The following SLC25A21 variants were observed in gnomAD, a reference collection of about 807,000 sequenced individuals.
The protein encoded by SLC25A21 is solute carrier family 25 member 21, also known as mitochondrial 2-oxodicarboxylate carrier.
In SLC25A21, 47 loss-of-function variants were observed where a neutral mutation model predicts 43.8. The observed-to-expected ratio is 1.07, with a 90% CI of 0.85 to 1.37. The LOEUF (loss-of-function observed/expected upper bound fraction) is 1.37. Among genes scored for constraint, SLC25A21 ranks in the 40% most tolerant of loss-of-function variants. The pLI is 0.00. For synonymous variants in SLC25A21, 131 were observed against 121.3 expected, an observed-to-expected ratio of 1.08 and a Z score of -0.52; for missense variants, 352 against 350.2, an observed-to-expected ratio of 1.00 and a Z score of -0.04.
rs374216561 is a variant in SLC25A21 at position 37,048,437 on chromosome 14, G to A, written c.70+123844C>T. Among the ~76,000 whole-genome samples, 14 of 151,286 alleles carry A rather than the reference G, an allele frequency of 9.3e-5. 1 individual carries two copies. The highest frequency in any genetic ancestry group is 2.6e-4 in the Admixed American group (4 of 15,188). On this transcript the variant is annotated intron_variant, in intron 1 of 9. Transcript: ENST00000331299. ...AAGCTATGAGACTGGTGGAGGGGAA[G>A]AGGCAGTACCAAATTACTACGTCTT...
Position 36,679,820 on chromosome 14 carries a change from G to T in SLC25A21, c.*838C>A. 1.0e-6 allele frequency: 1 copy of T among 985,004 alleles called. No individual in the cohort carries two copies. The highest frequency in any genetic ancestry group is 6.1e-5 in the Admixed American group (1 of 16,282). 61.0% of individuals were successfully genotyped at this position (985,004 alleles called of 1,614,324 possible). On this transcript the variant is annotated 3_prime_UTR_variant, in exon 10 of 10. Coordinates refer to ENST00000331299, the MANE Select transcript of SLC25A21 (RefSeq NM_030631.4). Reference sequence around the variant, plus strand: ...GGGTCCAAAGGTGTTTCCAATTTGTGATTTAACATGACAATATCTCATCAA... The same window carrying T: ...GGGTCCAAAGGTGTTTCCAATTTGTTATTTAACATGACAATATCTCATCAA...
intron 1 of SLC25A21, among the ~76,000 whole-genome samples, chr14:36,940,979 T>C (rs1892541807): frequency 6.6e-6 from 1 of 152,120 alleles, no homozygotes; most frequent in Non-Finnish European, 1.5e-5. Context: ...TTGCTTTCTT[T>C]TTTCTTTTTT....
At chr14:36,831,633 C>A (rs1264001060) in intron 2 of SLC25A21, among the ~76,000 whole-genome samples, 2 of 152,104 alleles carry the variant, frequency 1.3e-5, no homozygotes, top group Non-Finnish European at 2.9e-5. Flanking sequence ...ACTGTACAGT[C>A]CCACGTTACT....
intron 3 of SLC25A21, among the ~76,000 whole-genome samples, chr14:36,804,220 C>T (rs189757302): frequency 1.1e-3 from 162 of 152,304 alleles, no homozygotes; most frequent in Non-Finnish European, 1.4e-3. Context: ...CATGCCATCC[C>T]TTTCCTTCTT....
chr14:36,714,221 G>A (rs368535951), intron 6 of SLC25A21, among the ~76,000 whole-genome samples: 6 of 152,304 alleles, frequency 3.9e-5, no homozygotes, highest in African/African-American at 1.4e-4. Flanking sequence ...GAAGGCAGTG[G>A]CAACCAAAAG....
At chr14:37,101,103 A>C (rs992668791) in intron 1 of SLC25A21, among the ~76,000 whole-genome samples, 2 of 152,198 alleles carry the variant, frequency 1.3e-5, no homozygotes, top group African/African-American at 4.8e-5. Context: ...TTGAAAAATA[A>C]TGTGTTAATC....
intron 1 of SLC25A21, among the ~76,000 whole-genome samples, chr14:37,013,376 T>C (rs781656377): frequency 3.9e-5 from 6 of 152,148 alleles, no homozygotes; most frequent in Non-Finnish European, 8.8e-5. Flanking sequence ...CTGGGTTTGC[T>C]ATGACTATTG....
rs376991849 is a variant in SLC25A21 at position 37,125,557 on chromosome 14, A to G, written c.70+46724T>C. Among the ~76,000 whole-genome samples the G allele has an allele frequency of 4.3e-4, 65 of 152,368 alleles. No homozygotes were observed. In the East Asian group the frequency reaches 7.3e-3, roughly 17 times the overall value. On this transcript the variant is annotated intron_variant, in intron 1 of 9. Transcript: ENST00000331299. ...ACCAAGTTTAAAAAATGACTAAAGT[A>G]AACATTAAATTCTCTGACTTCCCTT...
At chr14:37,098,874 C>T (rs200532708) in intron 1 of SLC25A21, among the ~76,000 whole-genome samples, 1 of 151,244 alleles carries the variant, frequency 6.6e-6, no homozygotes, top group East Asian at 2.0e-4. Flanking sequence ...ATGATCTCGG[C>T]TCACTGCAGC....
At chr14:36,713,277 T>C (rs1176634248) in intron 6 of SLC25A21, among the ~76,000 whole-genome samples, 1 of 152,204 alleles carries the variant, frequency 6.6e-6, no homozygotes, top group Non-Finnish European at 1.5e-5. Flanking sequence ...TTTAAAAATC[T>C]TAGTTTGCTA....
intron 1 of SLC25A21, among the ~76,000 whole-genome samples, chr14:36,877,156 A>G (rs1399038450): frequency 3.3e-5 from 5 of 152,120 alleles, no homozygotes; most frequent in African/African-American, 7.2e-5. Flanking sequence ...TACCAAAGCA[A>G]GTACACAAAG....
chr14:36,942,421 G>A (rs933918449), intron 1 of SLC25A21, among the ~76,000 whole-genome samples: 15 of 152,168 alleles, frequency 9.9e-5, no homozygotes, highest in Non-Finnish European at 1.5e-4. Flanking sequence ...AGTGGCGGAC[G>A]GCGGTAGGAC....
intron 1 of SLC25A21, among the ~76,000 whole-genome samples, chr14:36,881,844 C>T (rs2022105): frequency 0.11 from 16,037 of 152,150 alleles, 1,903 homozygotes; most frequent in African/African-American, 0.29. Flanking sequence ...ATGTAGAAGA[C>T]AAGCCGGGTG....
At chr14:36,975,529 T>C (rs1418133313) in intron 1 of SLC25A21, among the ~76,000 whole-genome samples, 1 of 152,242 alleles carries the variant, frequency 6.6e-6, no homozygotes, top group African/African-American at 2.4e-5. Context: ...TTTGTAAAGA[T>C]AAGTTGTTCG....
intron 1 of SLC25A21, among the ~76,000 whole-genome samples, chr14:37,132,211 G>T (rs931115649): frequency 6.6e-6 from 1 of 152,160 alleles, no homozygotes; most frequent in Non-Finnish European, 1.5e-5. Flanking sequence ...TGAGGGTCTT[G>T]CCTCTTAAAG....
chr14:37,063,068 G>A (rs1356416997), intron 1 of SLC25A21, among the ~76,000 whole-genome samples: 1 of 152,146 alleles, frequency 6.6e-6, no homozygotes, highest in Non-Finnish European at 1.5e-5. Flanking sequence ...AAAGGGGGAA[G>A]CCCCTTATAA....
intron 1 of SLC25A21, among the ~76,000 whole-genome samples, chr14:37,043,772 T>G (rs1401151001): frequency 6.6e-6 from 1 of 152,090 alleles, no homozygotes; most frequent in African/African-American, 2.4e-5. Flanking sequence ...GGTCTTGCGC[T>G]GTCTCCCAGG....
chr14:37,038,619 C>T (rs1961378350), intron 1 of SLC25A21, among the ~76,000 whole-genome samples: 1 of 152,132 alleles, frequency 6.6e-6, no homozygotes. Context: ...GAATTTGACA[C>T]AAATTCAGGA....
chr14:36,776,234 CTTTCTTTTT>C lies in SLC25A21; in HGVS notation c.203+37675_203+37683del, dbSNP rs1192006217. Among the ~76,000 whole-genome samples, 4 of 75,764 alleles carry C rather than the reference CTTTCTTTTT, an allele frequency of 5.3e-5. 1 individual carries two copies. Among genetic ancestry groups the C allele is most frequent in the African/African-American group, 1.1e-4 (2 of 17,580 alleles). 49.7% of individuals were successfully genotyped at this position (75,764 alleles called of 152,430 possible). On this transcript the variant is annotated intron_variant, in intron 3 of 9. Transcript: ENST00000331299. ...CTTTCTTTTTTCTTTTTCTTTCTTT[CTTTCTTTTT>C]TTTTTTTTTTTGAGATGGAGTCTCG...
Sources: allele counts gnomAD v4.1 joint callset (sites outside exome capture counted in the v4.1 genomes callset), GRCh38; gene constraint gnomAD v4.1.1; transcripts MANE v1.5; gene names NCBI Gene and HGNC (gene_info 2026-07-23, HGNC 2026-07-21).